KCNH1: variants seen among roughly 807,000 people sequenced by gnomAD.
KCNH1 encodes voltage-gated delayed rectifier potassium channel KCNH1.
Under a neutral mutation model 69.2 loss-of-function variants are expected in KCNH1, and 27 were observed. The observed-to-expected ratio is 0.39, with a 90% CI of 0.29 to 0.54. The LOEUF is 0.54. Ranked by LOEUF, KCNH1 falls within the 20% of genes least tolerant of loss-of-function variation. The pLI, the probability that KCNH1 is intolerant of heterozygous loss-of-function variation, is 0.68. For missense variants in KCNH1, 798 were observed against 1,261.6 expected (o/e 0.63, Z 5.57); for synonymous variants, 456 against 487.7 (o/e 0.93, Z 0.86).
intron 7 of KCNH1, among the ~76,000 whole-genome samples, chr1:210,816,593 C>T (rs886379238): frequency 2.0e-5 from 3 of 152,212 alleles, no homozygotes; most frequent in African/African-American, 4.8e-5. Context: ...TTAGTTACAA[C>T]GCACATGGCT....
At chr1:210,954,126 G>T (rs556619631) in intron 6 of KCNH1, among the ~76,000 whole-genome samples, 60 of 151,586 alleles carry the variant, frequency 4.0e-4, no homozygotes, top group Non-Finnish European at 7.8e-4. Context: ...TCATTGTTCA[G>T]TTCCCACCTA....
chr1:210,836,110 T>A (rs985211135), intron 7 of KCNH1, among the ~76,000 whole-genome samples: 1 of 17,878 alleles, frequency 5.6e-5, no homozygotes, highest in Non-Finnish European at 1.3e-4. Context: ...AGTCTCCGTC[T>A]CAAAAAAAAA....
intron 6 of KCNH1, among the ~76,000 whole-genome samples, chr1:211,008,788 A>G (rs1216700900): frequency 6.6e-6 from 1 of 152,204 alleles, no homozygotes; most frequent in Admixed American, 6.5e-5. Flanking sequence ...ACTTTAATGT[A>G]TTTTTATCAC....
intron 7 of KCNH1, among the ~76,000 whole-genome samples, chr1:210,872,555 C>T (rs561365079): frequency 1.8e-4 from 27 of 152,204 alleles, no homozygotes; most frequent in African/African-American, 3.9e-4. Context: ...ACAGAAAGCA[C>T]GATGCTGACA....
At chr1:211,121,016 A>G (rs931753405) in intron 1 of KCNH1, among the ~76,000 whole-genome samples, 1 of 152,164 alleles carries the variant, frequency 6.6e-6, no homozygotes, top group Non-Finnish European at 1.5e-5. Flanking sequence ...ACTACTGCTC[A>G]GGGAAATAAG....
At chr1:210,892,569 A>G (rs1686772708) in intron 7 of KCNH1, among the ~76,000 whole-genome samples, 1 of 152,198 alleles carries the variant, frequency 6.6e-6, no homozygotes, top group Non-Finnish European at 1.5e-5. Flanking sequence ...GTAAAAATGT[A>G]TGAGTTCATT....
In KCNH1 at chr1:210,680,236, A is replaced by T. The variant is rs1239354288; in HGVS notation, c.*3045T>A. The T allele has an allele frequency of 6.6e-6, 1 of 152,192 alleles. No individual in the cohort carries two copies. Among genetic ancestry groups the T allele is most frequent in the African/African-American group, 2.4e-5 (1 of 41,406 alleles). 9.4% of individuals were successfully genotyped at this position (152,192 alleles called of 1,614,324 possible). A position where few individuals can be genotyped will look rare whatever the true frequency, so the allele number is the denominator to read the frequency against. On this transcript the variant is annotated 3_prime_UTR_variant, in exon 11 of 11. Coordinates refer to ENST00000271751, the MANE Select transcript of KCNH1 (RefSeq NM_172362.3). ...CCAGCAGCCAAGTGACAGGGACAGG[A>T]CCTACCCTCTTCAAAGCAGCCTGTC... is the stretch of plus-strand genomic sequence containing the variant.
intron 6 of KCNH1, among the ~76,000 whole-genome samples, chr1:210,937,945 G>A (rs867479844): frequency 3.3e-5 from 5 of 152,156 alleles, no homozygotes; most frequent in South Asian, 2.1e-4. Context: ...CATTTATGTG[G>A]CTTTAACCAC....
chr1:210,781,359 T>TC (rs1683979820), intron 9 of KCNH1, among the ~76,000 whole-genome samples: 1 of 152,018 alleles, frequency 6.6e-6, no homozygotes, highest in African/African-American at 2.4e-5. Flanking sequence ...GTTGCCCTCC[T>TC]CCCCCTATCC....
chr1:211,115,963 T>C (rs1269736890), intron 1 of KCNH1, among the ~76,000 whole-genome samples: 2 of 151,732 alleles, frequency 1.3e-5, no homozygotes, highest in Non-Finnish European at 2.9e-5. Flanking sequence ...AGTTAGCTTG[T>C]CTCCAATAAA....
At chr1:210,806,836 A>AAATATATATATATATATATAT (rs1553346591) in intron 7 of KCNH1, among the ~76,000 whole-genome samples, 1 of 85,648 alleles carries the variant, frequency 1.2e-5, no homozygotes, top group Non-Finnish European at 2.2e-5. Context: ...AAAAAAAAAA[A>AAATATATATATATATATATAT]ATATATATAT....
At chr1:211,025,174 T>C (rs1244475313) in intron 5 of KCNH1, among the ~76,000 whole-genome samples, 2 of 152,202 alleles carry the variant, frequency 1.3e-5, no homozygotes, top group African/African-American at 4.8e-5. Context: ...TCCCAGCTGC[T>C]CCTCTATGCC....
chr1:210,930,982 C>G (rs1235863325), intron 6 of KCNH1, among the ~76,000 whole-genome samples: 1 of 152,056 alleles, frequency 6.6e-6, no homozygotes, highest in Non-Finnish European at 1.5e-5. Context: ...TTCACTCCTA[C>G]AAGAATGGCC....
At chr1:210,804,869 G>A (rs924970264) in intron 7 of KCNH1, among the ~76,000 whole-genome samples, 5 of 152,134 alleles carry the variant, frequency 3.3e-5, no homozygotes, top group African/African-American at 1.2e-4. Context: ...CTTTAATATG[G>A]TAAGAATAAA....
chr1:210,997,981 C>T (rs959426188), intron 6 of KCNH1, among the ~76,000 whole-genome samples: 1 of 152,140 alleles, frequency 6.6e-6, no homozygotes, highest in African/African-American at 2.4e-5. Context: ...TTGTCACCAC[C>T]AGGCCTGCCC....
At chr1:210,726,810 C>CAGA (rs58908884) in intron 10 of KCNH1, among the ~76,000 whole-genome samples, 40 of 146,740 alleles carry the variant, frequency 2.7e-4, no homozygotes, top group African/African-American at 1.0e-3. Flanking sequence ...AGTTCCCCGG[C>CAGA]GGGGGTGGGG....
chr1:210,834,349 G>A (rs1574284794), intron 7 of KCNH1, among the ~76,000 whole-genome samples: 1 of 44,014 alleles, frequency 2.3e-5, no homozygotes, highest in African/African-American at 1.0e-4. Flanking sequence ...GGAATACTAT[G>A]CAGCCATAAA....
At chr1:211,087,987 T>C (rs1268207706) in intron 4 of KCNH1, among the ~76,000 whole-genome samples, 2 of 152,168 alleles carry the variant, frequency 1.3e-5, no homozygotes, top group East Asian at 1.9e-4. Context: ...GTGGGCGATT[T>C]GTGGGAAAAC....
At chr1:210,827,184 A>AAATTAGCCAGGCT (rs1394249510) in intron 7 of KCNH1, among the ~76,000 whole-genome samples, 3 of 152,024 alleles carry the variant, frequency 2.0e-5, no homozygotes, top group African/African-American at 7.2e-5. Flanking sequence ...AAAAACACAA[A>AAATTAGCCAGGCT]AATTAGCCAG....
Sources: gnomAD v4.1 joint callset for allele counts (sites outside exome capture counted in the v4.1 genomes callset) on GRCh38, gnomAD v4.1.1 for gene constraint, MANE v1.5 for transcripts, NCBI Gene and HGNC (gene_info 2026-07-23, HGNC 2026-07-21) for gene names.